The following NALF1 variants were observed in gnomAD, a reference collection of about 807,000 sequenced individuals.
NALF1 encodes family with sequence similarity 155 member A.
NALF1 carries 3 observed loss-of-function variants against 48.4 expected under a neutral mutation model. That is an observed-to-expected ratio of 0.06 (90% CI 0.03 to 0.16). The LOEUF is 0.16. NALF1 is among the 10% of genes least tolerant of loss of function. The pLI, the probability that NALF1 is intolerant of heterozygous loss-of-function variation, is 1.00. For missense variants in NALF1, 526 were observed against 571.5 expected, an observed-to-expected ratio of 0.92 and a Z score of 0.81; for synonymous variants, 262 against 245.7, an observed-to-expected ratio of 1.07 and a Z score of -0.62.
intron 1 of NALF1, among the ~76,000 whole-genome samples, chr13:107,686,266 G>A (rs901065471): frequency 7.9e-5 from 12 of 152,084 alleles, no homozygotes; most frequent in African/African-American, 2.7e-4. Context: ...GTAGGGAAGC[G>A]CCCACCTGGT....
rs538443621 is a variant in NALF1 at position 107,274,517 on chromosome 13, G to A, written c.916-63762C>T. ...TTCAAGGCTGCAGTGAGCTATGTTC[G>A]TACCACTGCACTCCAGCCCAGGTGA... On this transcript the variant is annotated intron_variant, in intron 1 of 2. Coordinates refer to ENST00000375915, the MANE Select transcript of NALF1 (RefSeq NM_001080396.3). 2.4e-4 allele frequency among the ~76,000 whole-genome samples: 37 copies of A among 152,192 alleles called. No homozygotes were observed. The South Asian group carries it at 4.3e-3, about 18-fold the overall frequency.
chr13:107,710,350 A>G (rs1177786848), intron 1 of NALF1, among the ~76,000 whole-genome samples: 1 of 152,040 alleles, frequency 6.6e-6, no homozygotes, highest in Admixed American at 6.6e-5. Context: ...TTCATATACC[A>G]TCATCATCAC....
At chr13:107,660,967 T>C (rs1476162308) in intron 1 of NALF1, among the ~76,000 whole-genome samples, 1 of 152,166 alleles carries the variant, frequency 6.6e-6, no homozygotes, top group Non-Finnish European at 1.5e-5. Context: ...AAAGTAAGGT[T>C]GCAAATATCA....
intron 1 of NALF1, among the ~76,000 whole-genome samples, chr13:107,678,544 A>G (rs1345893887): frequency 1.3e-5 from 2 of 152,196 alleles, no homozygotes; most frequent in African/African-American, 4.8e-5. Flanking sequence ...TTCCCTGAAC[A>G]CTGCTTTCGT....
At chr13:107,189,693 G>A (rs1180467663) in intron 2 of NALF1, among the ~76,000 whole-genome samples, 1 of 152,178 alleles carries the variant, frequency 6.6e-6, no homozygotes, top group African/African-American at 2.4e-5. Context: ...CCTGGGAAAG[G>A]AATAAAAATT....
At chr13:107,486,167 A>G (rs1229215652) in intron 1 of NALF1, among the ~76,000 whole-genome samples, 2 of 152,186 alleles carry the variant, frequency 1.3e-5, no homozygotes, top group African/African-American at 4.8e-5. Flanking sequence ...AATATTTATC[A>G]ACGTTAACAA....
At chr13:107,794,567 GA>G (rs748533317) in intron 1 of NALF1, among the ~76,000 whole-genome samples, 2 of 133,068 alleles carry the variant, frequency 1.5e-5, no homozygotes, top group Non-Finnish European at 3.2e-5. Context: ...ACCAAAAAAA[GA>G]AAAAAAAAGA....
rs78962784 is a variant in NALF1 at position 107,759,226 on chromosome 13, T to G, written c.915+106456A>C. Among the ~76,000 whole-genome samples, 494 of 152,312 alleles carry G rather than the reference T, an allele frequency of 3.2e-3. 3 individuals carry two copies. The highest frequency in any genetic ancestry group is 4.8e-3 in the Non-Finnish European group (325 of 68,024). On this transcript the variant is annotated intron_variant, in intron 1 of 2. Coordinates refer to ENST00000375915, the MANE Select transcript of NALF1 (RefSeq NM_001080396.3). The stretch of plus-strand genomic sequence containing the variant: ...ATTTCTTTTGTTTTTGTTTTTGTTT[T>G]TTGAGATAGTCTTGCTCTGTCACCC...
intron 1 of NALF1, among the ~76,000 whole-genome samples, chr13:107,692,934 T>C (rs1881599958): frequency 6.6e-6 from 1 of 152,168 alleles, no homozygotes; most frequent in Non-Finnish European, 1.5e-5. Context: ...GTCTTTGCTA[T>C]TGTGAATAGT....
chr13:107,606,748 A>G (rs1259373138), intron 1 of NALF1, among the ~76,000 whole-genome samples: 1 of 152,160 alleles, frequency 6.6e-6, no homozygotes, highest in Non-Finnish European at 1.5e-5. Context: ...TTAATGCAAA[A>G]TTGGCTTTCA....
chr13:107,793,329 G>A (rs967818364), intron 1 of NALF1, among the ~76,000 whole-genome samples: 1 of 152,188 alleles, frequency 6.6e-6, no homozygotes, highest in Non-Finnish European at 1.5e-5. Context: ...TACAACAACA[G>A]TGAAAAATTC....
rs1878661622 is a variant in NALF1 at position 107,166,468 on chromosome 13, T to C, written c.*4029A>G. 1 of 152,196 alleles carries C rather than the reference T, an allele frequency of 6.6e-6. No homozygotes were observed. Among genetic ancestry groups the C allele is most frequent in the African/African-American group, 2.4e-5 (1 of 41,456 alleles). 9.4% of individuals were successfully genotyped at this position (152,196 alleles called of 1,614,324 possible). A position where few individuals can be genotyped will look rare whatever the true frequency, so the allele number is the denominator to read the frequency against. On this transcript the variant is annotated 3_prime_UTR_variant, in exon 3 of 3. Coordinates refer to ENST00000375915, the MANE Select transcript of NALF1 (RefSeq NM_001080396.3). ...AAGAAATTAAATACCTGACTGCAGT[T>C]CTAAATAAATAAAACAAAATGCAGC...
intron 1 of NALF1, among the ~76,000 whole-genome samples, chr13:107,552,898 A>C (rs1456969734): frequency 2.0e-5 from 3 of 152,156 alleles, no homozygotes; most frequent in African/African-American, 7.2e-5. Context: ...TATTGTGCAC[A>C]ATATTAAATA....
intron 1 of NALF1, among the ~76,000 whole-genome samples, chr13:107,547,316 T>C (rs1877161395): frequency 6.6e-6 from 1 of 152,170 alleles, no homozygotes; most frequent in Non-Finnish European, 1.5e-5. Context: ...AAAAATTGAA[T>C]TTTGTTATAA....
chr13:107,314,220 T>A (rs1039741079), intron 1 of NALF1, among the ~76,000 whole-genome samples: 1 of 152,124 alleles, frequency 6.6e-6, no homozygotes, highest in Non-Finnish European at 1.5e-5. Context: ...CGGCATCCCA[T>A]CCTAGAACTC....
intron 1 of NALF1, among the ~76,000 whole-genome samples, chr13:107,771,248 T>TTGTGTGTGTG (rs147526327): frequency 0.13 from 18,899 of 150,946 alleles, 1,295 homozygotes; most frequent in East Asian, 0.17. Flanking sequence ...TTTTAACATG[T>TTGTGTGTGTG]TGTGTGTGTG....
intron 1 of NALF1, among the ~76,000 whole-genome samples, chr13:107,253,908 AGTT>A (rs561653416): frequency 6.6e-6 from 1 of 151,912 alleles, no homozygotes; most frequent in Non-Finnish European, 1.5e-5. Context: ...GATCACTACC[AGTT>A]GTTGTACGAT....
intron 1 of NALF1, among the ~76,000 whole-genome samples, chr13:107,412,360 C>A (rs1365773011): frequency 2.0e-5 from 3 of 151,800 alleles, no homozygotes; most frequent in Non-Finnish European, 4.4e-5. Flanking sequence ...TAAAAAATTG[C>A]CCAAATTAAA....
chr13:107,419,639 T>C (rs1286471120), intron 1 of NALF1, among the ~76,000 whole-genome samples: 9 of 152,148 alleles, frequency 5.9e-5, no homozygotes, highest in Admixed American at 5.9e-4. Flanking sequence ...TCTAATAAAA[T>C]AATTAAGTGG....
Sources: allele counts gnomAD v4.1 joint callset (sites outside exome capture counted in the v4.1 genomes callset), GRCh38; gene constraint gnomAD v4.1.1; transcripts MANE v1.5; gene names NCBI Gene and HGNC (gene_info 2026-07-23, HGNC 2026-07-21).